The following LIMS4 variants were observed in gnomAD, a reference collection of about 807,000 sequenced individuals.
The protein encoded by LIMS4 is LIM zinc finger domain containing 4.
At chr2:110,397,348 TAAC>T in the LIMS4 span, 10 of 146,664 alleles carry the variant, frequency 6.8e-5, no homozygotes, top group African/African-American at 2.6e-4. Flanking sequence ...ATTGGGTAAA[TAAC>T]AAGTTCTGTT....
chr2:110,365,959 C>A, the LIMS4 span, among the ~76,000 whole-genome samples: 2 of 151,052 alleles, frequency 1.3e-5, no homozygotes, highest in African/African-American at 5.0e-5. Context: ...CACAACTCCC[C>A]AAAATTGAAC....
chr2:110,424,854 T>C, the LIMS4 span, among the ~76,000 whole-genome samples: 1 of 142,248 alleles, frequency 7.0e-6, no homozygotes, highest in African/African-American at 2.9e-5. Context: ...CTCTGTAAAA[T>C]GCACCAATCA....
At chr2:110,392,200 A>C in the LIMS4 span, among the ~76,000 whole-genome samples, 2 of 151,782 alleles carry the variant, frequency 1.3e-5, no homozygotes, top group African/African-American at 4.9e-5. Flanking sequence ...CTCTATCTCT[A>C]AGGATGGGAG....
At chr2:110,379,246 G>T in the LIMS4 span, among the ~76,000 whole-genome samples, 2 of 151,672 alleles carry the variant, frequency 1.3e-5, no homozygotes, top group African/African-American at 2.4e-5. Flanking sequence ...TTGGTTTGTT[G>T]CTTGCTTGCT....
At chr2:110,442,742 A>G, downstream of LIMS4, among the ~76,000 whole-genome samples, 1 of 149,814 alleles carries the variant, frequency 6.7e-6, no homozygotes, top group Non-Finnish European at 1.5e-5. Flanking sequence ...TCTGTCACCC[A>G]GGCTGGAGTG....
At chr2:110,386,939 G>A in the LIMS4 span, 87 of 692,190 alleles carry the variant, frequency 1.3e-4, 7 homozygotes, top group Admixed American at 8.9e-4. Flanking sequence ...CTGGGGGAGC[G>A]GGGACACTAG....
At chr2:110,372,784 G>T in the LIMS4 span, among the ~76,000 whole-genome samples, 2 of 148,462 alleles carry the variant, frequency 1.3e-5, no homozygotes, top group African/African-American at 5.3e-5. Context: ...GGGATTACAG[G>T]AGTGAGCCAC....
At chr2:110,362,847 TG>T in the LIMS4 span, 1 of 318,822 alleles carries the variant, frequency 3.1e-6, no homozygotes, top group Non-Finnish European at 5.5e-6. Context: ...CTTTATCTGT[TG>T]CTGAGTTTTG....
At chr2:110,448,345 A>ACATT (rs1260466876) in intron 8 of LIMS4, among the ~76,000 whole-genome samples, 1 of 118,436 alleles carries the variant, frequency 8.4e-6, no homozygotes, top group African/African-American at 3.4e-5. Context: ...TGTCTTGTAT[A>ACATT]CATTTATTTA....
the LIMS4 span, among the ~76,000 whole-genome samples, chr2:110,425,168 G>A: frequency 1.4e-5 from 2 of 143,600 alleles, no homozygotes; most frequent in African/African-American, 5.7e-5. Flanking sequence ...GACACAAGAG[G>A]ATTGTTCAAG....
the LIMS4 span, among the ~76,000 whole-genome samples, chr2:110,409,098 A>AT: frequency 4.6e-5 from 2 of 43,786 alleles, no homozygotes; most frequent in Non-Finnish European, 7.1e-5. Context: ...AAAGAAAAAT[A>AT]TTTTTTATAA....
chr2:110,392,071 C>A, the LIMS4 span, among the ~76,000 whole-genome samples: 1 of 151,934 alleles, frequency 6.6e-6, no homozygotes, highest in East Asian at 1.9e-4. Context: ...ATTGACTTTG[C>A]GAAAATTCAT....
chr2:110,386,944 C>G, the LIMS4 span: 8 of 690,504 alleles, frequency 1.2e-5, no homozygotes, highest in Non-Finnish European at 2.1e-5. Flanking sequence ...GGAGCGGGGA[C>G]ACTAGGGTCA....
the LIMS4 span, among the ~76,000 whole-genome samples, chr2:110,366,463 C>CA: frequency 2.0e-5 from 3 of 151,644 alleles, no homozygotes; most frequent in Admixed American, 2.0e-4. Context: ...TCAATAGATG[C>CA]AAAAAAGACT....
chr2:110,370,801 TGA>T, the LIMS4 span, among the ~76,000 whole-genome samples: 849 of 113,036 alleles, frequency 7.5e-3, 68 homozygotes, highest in African/African-American at 0.034. Flanking sequence ...AATCTAGGAT[TGA>T]GAGGTTGATG....
At chr2:110,425,806 C>A in the LIMS4 span, among the ~76,000 whole-genome samples, 1 of 137,396 alleles carries the variant, frequency 7.3e-6, no homozygotes, top group Non-Finnish European at 1.5e-5. Flanking sequence ...TTTGCTGACA[C>A]CTTTATTCCC....
At chr2:110,426,864 A>T in the LIMS4 span, among the ~76,000 whole-genome samples, 2 of 134,380 alleles carry the variant, frequency 1.5e-5, no homozygotes, top group Non-Finnish European at 3.0e-5. Context: ...CAGTGGTGGG[A>T]TTACTGGATC....
At chr2:110,396,150 C>T in the LIMS4 span, among the ~76,000 whole-genome samples, 5 of 106,668 alleles carry the variant, frequency 4.7e-5, 1 homozygote, top group Non-Finnish European at 7.3e-5. Context: ...ACACTGCGTC[C>T]GTTTACTGTC....
chr2:110,418,650 C>CTTTT, the LIMS4 span, among the ~76,000 whole-genome samples: 79 of 72,430 alleles, frequency 1.1e-3, no homozygotes, highest in East Asian at 2.3e-3. Flanking sequence ...CCTTTCCTTT[C>CTTTT]TTTTTTTTTT....
Sources: gnomAD v4.1 joint callset for allele counts (sites outside exome capture counted in the v4.1 genomes callset) on GRCh38, gnomAD v4.1.1 for gene constraint, MANE v1.5 for transcripts, NCBI Gene and HGNC (gene_info 2026-07-23, HGNC 2026-07-21) for gene names.